Variants in DMD observed in about 807,000 individuals in gnomAD.
The protein encoded by DMD is dystrophin, also known as mutant dystrophin.
A neutral mutation model predicts 330.1 loss-of-function variants in DMD; 63 were observed. That is an observed-to-expected ratio of 0.19 (90% CI 0.16 to 0.24). The LOEUF is 0.24. Among genes scored for constraint, DMD ranks in the 10% least tolerant of loss-of-function variants. The probability of loss-of-function intolerance (pLI) is 1.00; values close to 1 mark genes in which losing one functional copy is unlikely to be tolerated. For missense variants in DMD, 3,344 were observed against 2,684.1 expected (o/e 1.25, Z -5.43); for synonymous variants, 1,223 against 959.8 (o/e 1.27, Z -5.07).
intron 55 of DMD, among the ~76,000 whole-genome samples, chrX:31,610,620 C>T (rs2077860540): frequency 8.9e-6 from 1 of 111,958 alleles, no homozygotes; most frequent in South Asian, 3.7e-4. Context: ...TAACAAAATG[C>T]ATTTTTATGA....
At chrX:31,404,034 C>G (rs1238103966) in intron 60 of DMD, among the ~76,000 whole-genome samples, 1 of 110,316 alleles carries the variant, frequency 9.1e-6, no homozygotes, top group African/African-American at 3.3e-5. Flanking sequence ...CTACCCCCAG[C>G]CTTCTTCACT....
intron 44 of DMD, among the ~76,000 whole-genome samples, chrX:32,214,965 G>T: frequency 9.0e-6 from 1 of 111,092 alleles, no homozygotes; most frequent in Non-Finnish European, 1.9e-5. Flanking sequence ...TAGTAGAGAA[G>T]AATATTCTAA....
At chrX:32,557,180 G>C (rs1447813070) in intron 16 of DMD, among the ~76,000 whole-genome samples, 2 of 111,222 alleles carry the variant, frequency 1.8e-5, no homozygotes, top group East Asian at 2.8e-4. Context: ...CTTTTTAGTA[G>C]CAAAGCATAG....
intron 44 of DMD, among the ~76,000 whole-genome samples, chrX:32,195,463 T>C (rs1569550152): frequency 8.9e-6 from 1 of 112,061 alleles, no homozygotes; most frequent in African/African-American, 3.2e-5. Flanking sequence ...AACTGTGACA[T>C]ACCTACCTCC....
At chrX:31,422,478 C>G (rs150109421) in intron 60 of DMD, among the ~76,000 whole-genome samples, 1 of 111,551 alleles carries the variant, frequency 9.0e-6, no homozygotes. Flanking sequence ...AGAAAAGCAT[C>G]GTGGAAATGG....
intron 7 of DMD, among the ~76,000 whole-genome samples, chrX:32,735,453 A>G (rs1027476873): frequency 1.6e-4 from 18 of 111,361 alleles, no homozygotes; most frequent in East Asian, 8.5e-4. Context: ...AGCCCGCATC[A>G]CCAAGTCACT....
intron 7 of DMD, among the ~76,000 whole-genome samples, chrX:32,703,352 AT>A (rs3838947): frequency 2.7e-5 from 3 of 111,422 alleles, no homozygotes; most frequent in Non-Finnish European, 5.6e-5. Context: ...ACTATGTTGC[AT>A]TTTTTTGTCA....
chrX:31,603,595 A>G (rs1319372139), intron 55 of DMD, among the ~76,000 whole-genome samples: 1 of 112,086 alleles, frequency 8.9e-6, no homozygotes, highest in East Asian at 2.8e-4. Context: ...GTGGTATGCT[A>G]ATGACTGTGA....
intron 45 of DMD, among the ~76,000 whole-genome samples, chrX:31,950,749 G>A (rs751793280): frequency 9.1e-6 from 1 of 109,944 alleles, no homozygotes; most frequent in South Asian, 3.8e-4. Flanking sequence ...TTTTTCTCTT[G>A]TTACATATTT....
intron 2 of DMD, among the ~76,000 whole-genome samples, chrX:32,883,101 G>A (rs2084117473): frequency 8.9e-6 from 1 of 111,875 alleles, no homozygotes; most frequent in Non-Finnish European, 1.9e-5. Context: ...CCTAACTTAA[G>A]CATGTAAATT....
At chrX:33,006,256 T>A (rs2093394406) in intron 2 of DMD, among the ~76,000 whole-genome samples, 2 of 111,555 alleles carry the variant, frequency 1.8e-5, no homozygotes, top group Admixed American at 9.6e-5. Flanking sequence ...TTCTAAAGTT[T>A]ATATGAAAGG....
intron 43 of DMD, among the ~76,000 whole-genome samples, chrX:32,249,481 C>A (rs2097254752): frequency 9.0e-6 from 1 of 111,708 alleles, no homozygotes; most frequent in African/African-American, 3.3e-5. Flanking sequence ...GAGGAAGAGA[C>A]CAGGATACAC....
chrX:31,319,162 C>T (rs1298443565), intron 62 of DMD, among the ~76,000 whole-genome samples: 1 of 111,591 alleles, frequency 9.0e-6, no homozygotes, highest in Non-Finnish European at 1.9e-5. Flanking sequence ...TTGGGCCACC[C>T]TAGTCACGAC....
intron 1 of DMD, among the ~76,000 whole-genome samples, chrX:33,251,128 T>G (rs2052765870): frequency 9.0e-6 from 1 of 111,560 alleles, no homozygotes; most frequent in Admixed American, 9.6e-5. Context: ...CCCTCTTGAA[T>G]GTATTTATTC....
chrX:32,090,090 T>G (rs780732325), intron 44 of DMD, among the ~76,000 whole-genome samples: 1 of 112,113 alleles, frequency 8.9e-6, no homozygotes, highest in East Asian at 2.8e-4. Context: ...AATAATTTTC[T>G]ACTTACATTA....
intron 45 of DMD, among the ~76,000 whole-genome samples, chrX:31,956,643 A>G (rs113072663): frequency 0.041 from 4,659 of 112,318 alleles, 114 homozygotes; most frequent in African/African-American, 0.084. Context: ...CAGTGGATTT[A>G]ACTACAAGAA....
intron 2 of DMD, among the ~76,000 whole-genome samples, chrX:32,986,510 A>T (rs1275003706): frequency 2.7e-5 from 3 of 112,497 alleles, no homozygotes; most frequent in Non-Finnish European, 5.6e-5. Flanking sequence ...ATGTGTGCAC[A>T]CACAACACAT....
At chrX:31,840,131 G>A (rs760501856) in intron 48 of DMD, among the ~76,000 whole-genome samples, 1 of 111,437 alleles carries the variant, frequency 9.0e-6, no homozygotes, top group Non-Finnish European at 1.9e-5. Flanking sequence ...CAGATCATTT[G>A]TATTTGATAC....
chrX:32,556,887 C>A (rs2050362437), intron 16 of DMD, among the ~76,000 whole-genome samples: 1 of 111,769 alleles, frequency 8.9e-6, no homozygotes, highest in Non-Finnish European at 1.9e-5. Context: ...TAGAAAGATT[C>A]AAGCTATAAA....
Sources: gnomAD v4.1 joint callset for allele counts (sites outside exome capture counted in the v4.1 genomes callset) on GRCh38, gnomAD v4.1.1 for gene constraint, MANE v1.5 for transcripts, NCBI Gene and HGNC (gene_info 2026-07-23, HGNC 2026-07-21) for gene names.